Variants in RBSN observed in about 807,000 individuals in gnomAD.
RBSN encodes the protein rabenosyn-5.
RBSN carries 34 observed loss-of-function variants against 60.5 expected under a neutral mutation model. The ratio of observed to expected loss-of-function variants is 0.56; its 90% CI spans 0.43 to 0.75. The LOEUF is 0.75. Ranked by LOEUF, RBSN falls within the 30% of genes least tolerant of loss-of-function variation. RBSN has a pLI of 0.00. For synonymous variants in RBSN, 322 were observed against 366.9 expected, an observed-to-expected ratio of 0.88 and a Z score of 1.40; for missense variants, 845 against 986.8, an observed-to-expected ratio of 0.86 and a Z score of 1.92.
chr3:15,079,158 GTC>G (rs1248052715), intron 10 of RBSN, among the ~76,000 whole-genome samples: 1 of 152,150 alleles, frequency 6.6e-6, no homozygotes, highest in East Asian at 1.9e-4. Context: ...AGGCCACACA[GTC>G]TCTGTTGCTG....
chr3:15,078,789 T>C (rs1347872082), intron 10 of RBSN, among the ~76,000 whole-genome samples: 2,096 of 52,750 alleles, frequency 0.04, 50 homozygotes, highest in Non-Finnish European at 0.068. Flanking sequence ...CATATATATA[T>C]ATATATATAT....
intron 5 of RBSN, among the ~76,000 whole-genome samples, chr3:15,088,861 T>C (rs1458253702): frequency 6.6e-6 from 1 of 152,224 alleles, no homozygotes; most frequent in Admixed American, 6.5e-5. Flanking sequence ...AGCCCATGAC[T>C]GGTGGCTACT....
In RBSN at chr3:15,074,837, G is replaced by A; in HGVS notation, c.1300C>T (p.Pro434Ser). The part of the protein sequence containing the change: ...NGEVASLRRG[P>S]APLRKAEGWL... ...CCCTCAGCCTTTCTCAAGGGGGCAGGGCCCCTGCGGAGAGATGCCACCTCC... is the reference window on the plus strand; with the variant it reads ...CCCTCAGCCTTTCTCAAGGGGGCAGAGCCCCTGCGGAGAGATGCCACCTCC... Residue 434 changes from proline to serine, a missense_variant, in exon 14 of 14, where the codon CCT (proline) becomes TCT (serine). Pro to Ser is a moderately conservative substitution (Grantham distance 74, BLOSUM62 -1). Transcript: ENST00000253699. This position sits in a 1 kb window ranked among gnomAD's most constrained non-coding sequence, Gnocchi z 6.4. 6.2e-7 allele frequency: 1 copy of A among 1,614,196 alleles called. No individual in the cohort carries two copies. The highest frequency in any genetic ancestry group is 8.5e-7 in the Non-Finnish European group (1 of 1,180,056).
Position 15,077,178 on chromosome 3 carries a change from AAC to A in RBSN, c.999-16_999-15del, listed in dbSNP as rs1206829222. The A allele has an allele frequency of 6.2e-7, 1 of 1,606,624 alleles. No homozygotes were observed. The highest frequency in any genetic ancestry group is 8.5e-7 in the Non-Finnish European group (1 of 1,173,310). On this transcript the variant is annotated splice_polypyrimidine_tract_variant and intron_variant, in intron 11 of 13. Transcript: ENST00000253699. The surrounding 1 kb of genome is among the most constrained non-coding windows in gnomAD (Gnocchi z 4.4). ...AAGATCTTCTTACTGAATTGGAACA[AAC>A]ACATGAATATAATGAGCACTGCCAG...
chr3:15,071,873 T>C lies in RBSN; in HGVS notation c.*1909A>G, dbSNP rs1296802564. 1 of 152,644 alleles carries C rather than the reference T, an allele frequency of 6.6e-6. No homozygotes were observed. Among genetic ancestry groups the C allele is most frequent in the African/African-American group, 2.4e-5 (1 of 41,436 alleles). The allele number at this position is 152,644 out of a possible 1,614,324, so 9.5% of individuals were successfully genotyped here. A position where few individuals can be genotyped will look rare whatever the true frequency, so the allele number is the denominator to read the frequency against. On this transcript the variant is annotated 3_prime_UTR_variant, in exon 14 of 14. Coordinates refer to ENST00000253699, the MANE Select transcript of RBSN (RefSeq NM_022340.4). Reference sequence around the variant, plus strand: ...GTCAGTTATTGTTCATTAGTTCAGATGAGTAACTGCAGAAACTCTACCCAG... The same window carrying C: ...GTCAGTTATTGTTCATTAGTTCAGACGAGTAACTGCAGAAACTCTACCCAG...
chr3:15,079,460 T>C (rs2043147364), intron 10 of RBSN, among the ~76,000 whole-genome samples: 1 of 152,058 alleles, frequency 6.6e-6, no homozygotes, highest in Non-Finnish European at 1.5e-5. Flanking sequence ...AATGAAAACA[T>C]GTCTACACAA....
rs550829158 is a variant in RBSN, at chr3:15,073,398, C to T, written c.*384G>A. ...TATAATACTGCATAAGGAACCAAGA[C>T]TAGGCAGTAGCAAATGGACCCAAGA... On this transcript the variant is annotated 3_prime_UTR_variant, in exon 14 of 14. Transcript: ENST00000253699. 9 of 201,660 alleles carry T rather than the reference C, an allele frequency of 4.5e-5. No homozygotes were observed. The Admixed American group carries it at 4.8e-4, about 11-fold the overall frequency. The allele number at this position is 201,660 out of a possible 1,614,324, so 12.5% of individuals were successfully genotyped here. A position where few individuals can be genotyped will look rare whatever the true frequency, so the allele number is the denominator to read the frequency against.
intron 4 of RBSN, chr3:15,091,590 C>T: frequency 1.2e-6 from 1 of 861,630 alleles, no homozygotes; most frequent in Non-Finnish European, 1.6e-6. Flanking sequence ...ACGCAAAGTG[C>T]TTGCAAATAC....
chr3:15,090,569 A>T, intron 4 of RBSN, 30 bp from the exon 5 acceptor site: 1 of 1,608,972 alleles, frequency 6.2e-7, no homozygotes, highest in Non-Finnish European at 8.5e-7. Context: ...AATACAAATG[A>T]GCCATGAAGA....
At chr3:15,093,849 A>G (rs1159620422) in intron 4 of RBSN, among the ~76,000 whole-genome samples, 2 of 151,928 alleles carry the variant, frequency 1.3e-5, no homozygotes, top group East Asian at 1.9e-4. Flanking sequence ...CTACAAATGC[A>G]TGTCATCATG....
chr3:15,075,530 A>G, intron 13 of RBSN, 76 bp downstream of exon 13: 2 of 1,198,480 alleles, frequency 1.7e-6, no homozygotes, highest in Non-Finnish European at 2.5e-6. Flanking sequence ...ACCGCACACA[A>G]CCTGGGAGCC....
At chr3:15,098,052 C>T (rs1397786489) in intron 2 of RBSN, 67 bp downstream of exon 2, 1 of 152,482 alleles carries the variant, frequency 6.6e-6, no homozygotes, top group Admixed American at 6.6e-5. Flanking sequence ...ACATCCATGC[C>T]ACACAACCAC....
chr3:15,085,706 T>C (rs1380308014), intron 6 of RBSN, among the ~76,000 whole-genome samples, 155 bp downstream of exon 6: 1 of 152,224 alleles, frequency 6.6e-6, no homozygotes, highest in Non-Finnish European at 1.5e-5. Flanking sequence ...AGGCTAGAAC[T>C]GTCCACCATG....
chr3:15,085,830 G>GA (rs753256519), intron 6 of RBSN, 31 bp downstream of exon 6: 2 of 1,553,256 alleles, frequency 1.3e-6, no homozygotes, highest in Admixed American at 1.7e-5. Flanking sequence ...TGTATTTGTA[G>GA]AAAAAAATGT....
chr3:15,090,863 G>A (rs1292813132), intron 4 of RBSN, among the ~76,000 whole-genome samples: 1 of 152,178 alleles, frequency 6.6e-6, no homozygotes, highest in Non-Finnish European at 1.5e-5. Flanking sequence ...AAAACAGGGT[G>A]ATGGAAGTGT....
At chr3:15,079,335 T>C (rs772705559) in intron 10 of RBSN, among the ~76,000 whole-genome samples, 4 of 152,144 alleles carry the variant, frequency 2.6e-5, no homozygotes, top group African/African-American at 7.2e-5. Context: ...GAATGCAAAA[T>C]AGTGCAGTCA....
rs1374699347 is a variant in RBSN at position 15,071,630 on chromosome 3, A to G, written c.*2152T>C. 6.6e-6 allele frequency: 1 copy of G among 152,248 alleles called. No individual in the cohort carries two copies. The highest frequency in any genetic ancestry group is 2.4e-5 in the African/African-American group (1 of 41,454). 9.4% of individuals were successfully genotyped at this position (152,248 alleles called of 1,614,324 possible). On this transcript the variant is annotated 3_prime_UTR_variant, in exon 14 of 14. Transcript: ENST00000253699. ...ACCCACTCCCCATCTCCACACCCCT[A>G]TACAAGATCTTTTCATTCAACCAAA...
intron 11 of RBSN, 66 bp downstream of exon 11, chr3:15,078,009 C>T: frequency 7.1e-7 from 1 of 1,416,846 alleles, no homozygotes; most frequent in African/African-American, 1.4e-5. Context: ...TCTGCTTTCG[C>T]CATTTCATTA....
chr3:15,085,868 A>G lies in RBSN; in HGVS notation c.383T>C (p.Leu128Ser). The G allele has an allele frequency of 6.2e-7, 1 of 1,613,700 alleles. No homozygotes were observed. Among genetic ancestry groups the G allele is most frequent in the Non-Finnish European group, 8.5e-7 (1 of 1,179,682 alleles). ...VVEVNKLIIRLEKLTAFDRTN... is the reference protein window; with the variant it reads ...VVEVNKLIIRSEKLTAFDRTN... ...TAAGACAACAAAATTTACCTTCTCT[A>G]ACCTGATTATTAGTTTATTGACTTC... The change falls in exon 6 of 14, where the codon TTA (leucine) becomes TCA (serine). Residue 128 changes from leucine (L) to serine (S), a missense_variant. Physicochemically the swap from Leu to Ser is moderately radical, Grantham distance 145 (BLOSUM62 -2). Transcript: ENST00000253699.
Sources: allele counts gnomAD v4.1 joint callset (sites outside exome capture counted in the v4.1 genomes callset), GRCh38; gene constraint gnomAD v4.1.1; non-coding constraint Gnocchi (gnomAD v3.1); transcripts MANE v1.5; gene names NCBI Gene and HGNC (gene_info 2026-07-23, HGNC 2026-07-21).